DSCAM: variants seen among roughly 807,000 people sequenced by gnomAD.
The protein encoded by DSCAM is DS cell adhesion molecule.
DSCAM carries 47 observed loss-of-function variants against 217.7 expected under a neutral mutation model. That is an observed-to-expected ratio of 0.22 (90% CI 0.17 to 0.28). DSCAM has a LOEUF of 0.28. Ranked by LOEUF, DSCAM falls within the 10% of genes least tolerant of loss-of-function variation. The pLI, the probability that DSCAM is intolerant of heterozygous loss-of-function variation, is 1.00. For synonymous variants in DSCAM, 1,056 were observed against 1,015.3 expected, an observed-to-expected ratio of 1.04 and a Z score of -0.76; for missense variants, 2,080 against 2,618.3, an observed-to-expected ratio of 0.79 and a Z score of 4.49.
intron 3 of DSCAM, among the ~76,000 whole-genome samples, chr21:40,576,983 G>C (rs1477983820): frequency 6.7e-6 from 1 of 149,056 alleles, no homozygotes; most frequent in Non-Finnish European, 1.5e-5. Flanking sequence ...TACCCTAAAA[G>C]TATAATAACA....
chr21:40,579,314 GAA>G, intron 3 of DSCAM, among the ~76,000 whole-genome samples: 1 of 151,584 alleles, frequency 6.6e-6, no homozygotes, highest in African/African-American at 2.4e-5. Flanking sequence ...AGACACAGAA[GAA>G]AAAGAAGCAG....
intron 1 of DSCAM, among the ~76,000 whole-genome samples, chr21:40,762,173 C>A (rs959489845): frequency 5.3e-5 from 8 of 151,916 alleles, no homozygotes; most frequent in Non-Finnish European, 1.0e-4. Context: ...AATCCAGGAG[C>A]TGGTTTTTTG....
intron 3 of DSCAM, among the ~76,000 whole-genome samples, chr21:40,485,087 C>T (rs887106601): frequency 2.6e-4 from 39 of 152,086 alleles, no homozygotes; most frequent in African/African-American, 8.7e-4. Flanking sequence ...TTAGTTCCTC[C>T]GCCTACATCA....
At chr21:40,244,482 G>A (rs1035840791) in intron 11 of DSCAM, among the ~76,000 whole-genome samples, 7 of 148,860 alleles carry the variant, frequency 4.7e-5, no homozygotes, top group African/African-American at 9.8e-5. Flanking sequence ...AGTCACAATT[G>A]TGCAGCAGTA....
At chr21:40,573,371 A>C (rs1448544205) in intron 3 of DSCAM, among the ~76,000 whole-genome samples, 1 of 152,122 alleles carries the variant, frequency 6.6e-6, no homozygotes, top group Admixed American at 6.5e-5. Flanking sequence ...AAATAAATGA[A>C]AATAAATAGC....
At chr21:40,182,686 A>G (rs1268849524) in intron 14 of DSCAM, among the ~76,000 whole-genome samples, 7 of 106,926 alleles carry the variant, frequency 6.5e-5, no homozygotes, top group African/African-American at 2.5e-4. Context: ...GGGTTACCAG[A>G]GAAACCGTGG....
At chr21:40,070,347 GGGAGGGAGGGAA>G (rs72118339) in intron 27 of DSCAM, among the ~76,000 whole-genome samples, 27,964 of 142,264 alleles carry the variant, frequency 0.2, 3,519 homozygotes, top group East Asian at 0.34. Context: ...TAGGGAAGGA[GGGAGGGAGGGAA>G]GGAGGGAGGG....
At chr21:40,179,806 T>C (rs553592732) in intron 14 of DSCAM, among the ~76,000 whole-genome samples, 193 of 152,336 alleles carry the variant, frequency 1.3e-3, no homozygotes, top group African/African-American at 4.3e-3. Context: ...TTGTATCTGG[T>C]GGTTTTCAGG....
chr21:40,242,971 G>C (rs1003241040), intron 11 of DSCAM, among the ~76,000 whole-genome samples: 1 of 152,164 alleles, frequency 6.6e-6, no homozygotes, highest in African/African-American at 2.4e-5. Flanking sequence ...CCTTGAAGGT[G>C]ACCCCTTATT....
At chr21:40,343,586 G>A (rs866647384) in intron 6 of DSCAM, among the ~76,000 whole-genome samples, 7 of 151,954 alleles carry the variant, frequency 4.6e-5, no homozygotes, top group Admixed American at 4.6e-4. Flanking sequence ...TGACTTACAC[G>A]GATTAGATTT....
intron 1 of DSCAM, among the ~76,000 whole-genome samples, chr21:40,784,512 A>G (rs745856003): frequency 6.6e-6 from 1 of 152,224 alleles, no homozygotes; most frequent in Non-Finnish European, 1.5e-5. Context: ...TTGGATTAAC[A>G]TACAGAAACA....
At chr21:40,505,149 G>C (rs941305516) in intron 3 of DSCAM, among the ~76,000 whole-genome samples, 2 of 152,204 alleles carry the variant, frequency 1.3e-5, no homozygotes, top group African/African-American at 4.8e-5. Context: ...AGACAACTTT[G>C]AGAATGAGTT....
chr21:40,167,851 A>G (rs528445857), intron 15 of DSCAM, among the ~76,000 whole-genome samples: 9 of 152,132 alleles, frequency 5.9e-5, no homozygotes, highest in Non-Finnish European at 1.2e-4. Flanking sequence ...CAATCACGAG[A>G]TCAGGAGATT....
intron 3 of DSCAM, among the ~76,000 whole-genome samples, chr21:40,590,871 A>T (rs971899543): frequency 6.6e-6 from 1 of 152,098 alleles, no homozygotes; most frequent in Admixed American, 6.5e-5. Flanking sequence ...TTGCCTTAAA[A>T]ACATGTATTC....
chr21:40,020,224 C>T (rs2088237688), intron 32 of DSCAM, among the ~76,000 whole-genome samples: 1 of 152,154 alleles, frequency 6.6e-6, no homozygotes, highest in Admixed American at 6.5e-5. Flanking sequence ...TGCCTGCCAC[C>T]ATATAAGATG....
At chr21:40,249,770 G>A (rs1187383881) in intron 11 of DSCAM, among the ~76,000 whole-genome samples, 1 of 152,096 alleles carries the variant, frequency 6.6e-6, no homozygotes, top group Non-Finnish European at 1.5e-5. Context: ...AGGTAATCAT[G>A]GCTTCATGGG....
At chr21:40,080,082 T>G (rs2089431819) in intron 25 of DSCAM, 70 bp downstream of exon 25, 1 of 1,291,406 alleles carries the variant, frequency 7.7e-7, no homozygotes. Flanking sequence ...ATGGATCTTT[T>G]ATGATTCCAA....
intron 3 of DSCAM, among the ~76,000 whole-genome samples, chr21:40,465,653 T>C (rs935863218): frequency 3.9e-5 from 6 of 152,214 alleles, no homozygotes; most frequent in African/African-American, 1.4e-4. Context: ...TGAGACATTT[T>C]TGCAATTTAT....
chr21:40,277,079 TGGA>T (rs999984693), intron 10 of DSCAM, among the ~76,000 whole-genome samples: 2 of 152,064 alleles, frequency 1.3e-5, no homozygotes, highest in African/African-American at 2.4e-5. Flanking sequence ...GCTTCTGGCC[TGGA>T]GGAGTTGGGT....
Sources: gnomAD v4.1 joint callset for allele counts (sites outside exome capture counted in the v4.1 genomes callset) on GRCh38, gnomAD v4.1.1 for gene constraint, MANE v1.5 for transcripts, NCBI Gene and HGNC (gene_info 2026-07-23, HGNC 2026-07-21) for gene names.